The following TENM3 variants were observed in gnomAD, a reference collection of about 807,000 sequenced individuals.
TENM3 encodes teneurin transmembrane protein 3.
Under a neutral mutation model 255.1 loss-of-function variants are expected in TENM3, and 63 were observed. The ratio of observed to expected loss-of-function variants is 0.25; its 90% CI spans 0.20 to 0.30. The LOEUF is 0.30. TENM3 is among the 10% of genes least tolerant of loss of function. The pLI, the probability that TENM3 is intolerant of heterozygous loss-of-function variation, is 1.00. For missense variants in TENM3, 2,929 were observed against 3,461.1 expected (o/e 0.85, Z 3.86); for synonymous variants, 1,306 against 1,322.3 (o/e 0.99, Z 0.27).
intron 1 of TENM3, among the ~76,000 whole-genome samples, chr4:182,177,537 A>G (rs1217853752): frequency 2.0e-5 from 3 of 151,838 alleles, no homozygotes; most frequent in African/African-American, 7.3e-5. Flanking sequence ...GCAATTACAA[A>G]TGATCTTTGA....
intron 25 of TENM3, among the ~76,000 whole-genome samples, chr4:182,790,301 C>T (rs1280123492): frequency 1.3e-5 from 2 of 152,158 alleles, no homozygotes; most frequent in Admixed American, 6.6e-5. Context: ...TTCCACCCCT[C>T]CTGACTGAAA....
At chr4:182,726,023 TATAAC>T in intron 13 of TENM3, among the ~76,000 whole-genome samples, 1 of 152,152 alleles carries the variant, frequency 6.6e-6, no homozygotes. Context: ...ATCTTAGAAA[TATAAC>T]AGACATGAAA....
chr4:181,869,274 G>A, the TENM3 span, among the ~76,000 whole-genome samples: 1 of 152,098 alleles, frequency 6.6e-6, no homozygotes, highest in East Asian at 1.9e-4. Context: ...CTTCAGTTTA[G>A]AGGGATTTGC....
the TENM3 span, among the ~76,000 whole-genome samples, chr4:181,469,665 C>A: frequency 1.1e-5 from 1 of 90,196 alleles, no homozygotes; most frequent in East Asian, 2.5e-4. Flanking sequence ...TTACTAAATA[C>A]CAATTCCAGA....
At chr4:182,291,932 T>C (rs1040239543) in intron 1 of TENM3, among the ~76,000 whole-genome samples, 3 of 152,178 alleles carry the variant, frequency 2.0e-5, no homozygotes, top group Non-Finnish European at 4.4e-5. Context: ...GTCACATTTC[T>C]ATTATTCAGC....
chr4:182,100,536 T>TATATATATACACACAC, the TENM3 span, among the ~76,000 whole-genome samples: 1 of 121,566 alleles, frequency 8.2e-6, no homozygotes, highest in East Asian at 2.2e-4. Context: ...TATACACACA[T>TATATATATACACACAC]ATATATATAC....
intron 1 of TENM3, among the ~76,000 whole-genome samples, chr4:182,205,225 C>T (rs1754472791): frequency 6.6e-6 from 1 of 152,242 alleles, no homozygotes; most frequent in Non-Finnish European, 1.5e-5. Flanking sequence ...CTTTTCCAAT[C>T]CATATAAATT....
At chr4:182,229,125 G>C (rs751029457) in intron 1 of TENM3, among the ~76,000 whole-genome samples, 2 of 152,140 alleles carry the variant, frequency 1.3e-5, no homozygotes, top group African/African-American at 2.4e-5. Context: ...AGAACAGCTC[G>C]ATGGAATTTC....
chr4:181,644,116 CT>C, the TENM3 span, among the ~76,000 whole-genome samples: 1 of 150,408 alleles, frequency 6.6e-6, no homozygotes, highest in African/African-American at 2.4e-5. Flanking sequence ...GCAAGGAATT[CT>C]GCATGTGAAC....
chr4:182,756,651 A>G (rs565035617), intron 22 of TENM3, among the ~76,000 whole-genome samples: 1 of 152,314 alleles, frequency 6.6e-6, no homozygotes, highest in East Asian at 1.9e-4. Context: ...AAATGACTCA[A>G]TATACAAATA....
chr4:182,199,085 T>G (rs1224237264), intron 1 of TENM3, among the ~76,000 whole-genome samples: 1 of 152,206 alleles, frequency 6.6e-6, no homozygotes, highest in East Asian at 1.9e-4. Context: ...GAAAGCTAGC[T>G]GGTAGAAATG....
chr4:181,710,796 G>A, the TENM3 span, among the ~76,000 whole-genome samples: 11 of 150,822 alleles, frequency 7.3e-5, no homozygotes, highest in African/African-American at 1.5e-4. Flanking sequence ...CTATCCTCCC[G>A]CCTCTGCCTC....
At chr4:182,696,695 A>C (rs1757450796) in intron 12 of TENM3, among the ~76,000 whole-genome samples, 1 of 152,088 alleles carries the variant, frequency 6.6e-6, no homozygotes, top group African/African-American at 2.4e-5. Flanking sequence ...ACTGCACTCC[A>C]GCCTGGTGAC....
chr4:182,225,909 C>G (rs1756122356), intron 1 of TENM3, among the ~76,000 whole-genome samples: 1 of 152,082 alleles, frequency 6.6e-6, no homozygotes, highest in South Asian at 2.1e-4. Flanking sequence ...CAACATCATA[C>G]CCTTAAGCAG....
At position 182,196,871 on chromosome 4, in the gene TENM3, A is replaced by G. The variant is rs533018560; in HGVS notation, c.-76+52117A>G. ...CTAAAGAGCATGGCTTCTTTTGACT[A>G]GAATTCCTGCACTGGTCCTTCTTGT... On this transcript the variant is annotated intron_variant, in intron 1 of 2. Transcript: ENST00000512480. 1.2e-4 allele frequency among the ~76,000 whole-genome samples: 18 copies of G among 152,318 alleles called. No individual in the cohort carries two copies. In the East Asian group the frequency reaches 3.3e-3, roughly 28 times the overall value.
At chr4:181,896,063 C>A in the TENM3 span, among the ~76,000 whole-genome samples, 1 of 152,138 alleles carries the variant, frequency 6.6e-6, no homozygotes, top group African/African-American at 2.4e-5. Flanking sequence ...TGTAAGCACT[C>A]TGTTTAAAGA....
intron 3 of TENM3, among the ~76,000 whole-genome samples, chr4:182,529,755 C>T (rs1179778593): frequency 6.6e-6 from 1 of 151,570 alleles, no homozygotes; most frequent in African/African-American, 2.4e-5. Context: ...TAAGGTGTTC[C>T]GTATATAAAT....
intron 19 of TENM3, chr4:182,744,109 T>TTACC (rs1267894317): frequency 5.7e-5 from 48 of 848,932 alleles, no homozygotes; most frequent in Admixed American, 2.4e-4. Flanking sequence ...TTTTTTTTTT[T>TTACC]TTTTTTTACC....
At chr4:182,408,423 A>G (rs972865520) in intron 3 of TENM3, among the ~76,000 whole-genome samples, 4 of 152,174 alleles carry the variant, frequency 2.6e-5, no homozygotes, top group Admixed American at 6.5e-5. Context: ...AAGCTCATTA[A>G]CTGGAACGGT....
Sources: gnomAD v4.1 joint callset for allele counts (sites outside exome capture counted in the v4.1 genomes callset) on GRCh38, gnomAD v4.1.1 for gene constraint, MANE v1.5 for transcripts, NCBI Gene and HGNC (gene_info 2026-07-23, HGNC 2026-07-21) for gene names.